CA10: variants seen among roughly 807,000 people sequenced by gnomAD.
CA10 encodes the protein carbonic anhydrase-related protein 10.
Under a neutral mutation model 44.2 loss-of-function variants are expected in CA10, and 14 were observed. The ratio of observed to expected loss-of-function variants is 0.32; its 90% CI spans 0.21 to 0.50. CA10 has a LOEUF of 0.50. Ranked by LOEUF, CA10 falls within the 20% of genes least tolerant of loss-of-function variation. The probability of loss-of-function intolerance (pLI) is 0.99; values close to 1 mark genes in which losing one functional copy is unlikely to be tolerated. For missense variants in CA10, 350 were observed against 409.7 expected, an observed-to-expected ratio of 0.85 and a Z score of 1.26; for synonymous variants, 159 against 141.6, an observed-to-expected ratio of 1.12 and a Z score of -0.87.
chr17:52,097,398 C>T (rs1988430510), intron 1 of CA10, among the ~76,000 whole-genome samples: 2 of 152,138 alleles, frequency 1.3e-5, no homozygotes, highest in South Asian at 4.1e-4. Context: ...ATATTTTGTA[C>T]ATCAAATGGT....
At chr17:51,836,776 C>A (rs746446806) in intron 3 of CA10, among the ~76,000 whole-genome samples, 1 of 151,954 alleles carries the variant, frequency 6.6e-6, no homozygotes, top group Non-Finnish European at 1.5e-5. Context: ...TGTGATGGCA[C>A]AAAGGAGGGA....
chr17:51,943,396 A>G (rs1005277137), intron 2 of CA10, among the ~76,000 whole-genome samples: 2 of 152,240 alleles, frequency 1.3e-5, no homozygotes, highest in Non-Finnish European at 2.9e-5. Flanking sequence ...GCCTGGGCCT[A>G]TAAAAGGTGA....
At chr17:51,896,565 T>C (rs924571590) in intron 3 of CA10, among the ~76,000 whole-genome samples, 12 of 152,168 alleles carry the variant, frequency 7.9e-5, no homozygotes, top group Admixed American at 7.2e-4. Context: ...AGTGTCTTTA[T>C]GGCAGCACAA....
chr17:51,755,604 T>C (rs1185327392), intron 3 of CA10, among the ~76,000 whole-genome samples: 1 of 152,178 alleles, frequency 6.6e-6, no homozygotes, highest in Non-Finnish European at 1.5e-5. Flanking sequence ...GGAAATAGAA[T>C]TTCAGTCATG....
chr17:52,054,518 C>G (rs766488252), intron 2 of CA10, among the ~76,000 whole-genome samples: 97 of 152,038 alleles, frequency 6.4e-4, no homozygotes, highest in Non-Finnish European at 1.2e-3. Context: ...ATTTTGTTAC[C>G]TTGTAAAACA....
rs537784476 is a variant in CA10, at chr17:51,796,600, T to A, written c.280-48782A>T. Among the ~76,000 whole-genome samples, 17 of 152,364 alleles carry A rather than the reference T, an allele frequency of 1.1e-4. 1 individual carries two copies. Among genetic ancestry groups the A allele is most frequent in the Admixed American group, 9.1e-4 (14 of 15,310 alleles). ...CATGAATCCTAGAGCACTTTAACTTTGGGTTAAATGTAAGTCCACAACAAT... is the reference window on the plus strand; with the variant it reads ...CATGAATCCTAGAGCACTTTAACTTAGGGTTAAATGTAAGTCCACAACAAT... On this transcript the variant is annotated intron_variant, in intron 3 of 8. Transcript: ENST00000451037.
At chr17:51,791,503 T>C (rs1906517583) in intron 3 of CA10, among the ~76,000 whole-genome samples, 1 of 152,216 alleles carries the variant, frequency 6.6e-6, no homozygotes, top group Non-Finnish European at 1.5e-5. Flanking sequence ...CTAGACTTGG[T>C]AACTGATTAT....
At chr17:51,860,652 A>G (rs1979261764) in intron 3 of CA10, among the ~76,000 whole-genome samples, 1 of 152,202 alleles carries the variant, frequency 6.6e-6, no homozygotes, top group African/African-American at 2.4e-5. Context: ...ACAGAAACAG[A>G]CTTCTAATGA....
chr17:51,998,759 T>A (rs1224734966), intron 2 of CA10, among the ~76,000 whole-genome samples: 1 of 152,076 alleles, frequency 6.6e-6, no homozygotes, highest in African/African-American at 2.4e-5. Flanking sequence ...GGACTCTGGT[T>A]TTAATCAACT....
intron 3 of CA10, among the ~76,000 whole-genome samples, chr17:51,882,899 G>T (rs1322658730): frequency 6.6e-6 from 1 of 152,150 alleles, no homozygotes; most frequent in Non-Finnish European, 1.5e-5. Context: ...GTAATAGTTT[G>T]GCACTTCTCT....
At chr17:51,828,526 TAAAA>T (rs530080524) in intron 3 of CA10, among the ~76,000 whole-genome samples, 1 of 150,416 alleles carries the variant, frequency 6.6e-6, no homozygotes, top group Non-Finnish European at 1.5e-5. Context: ...GGGTAGATAC[TAAAA>T]AAAAAATTTA....
intron 3 of CA10, among the ~76,000 whole-genome samples, chr17:51,866,090 G>T (rs1357793152): frequency 6.6e-6 from 1 of 152,130 alleles, no homozygotes; most frequent in Non-Finnish European, 1.5e-5. Flanking sequence ...ATAAACAAAG[G>T]CAATGTTTTA....
intron 2 of CA10, among the ~76,000 whole-genome samples, chr17:52,014,844 T>C (rs1039204990): frequency 1.3e-5 from 2 of 152,032 alleles, no homozygotes; most frequent in Non-Finnish European, 1.5e-5. Flanking sequence ...GAAATGCGTA[T>C]TTGAAAAACA....
chr17:51,637,060 G>A (rs911535202), intron 6 of CA10, among the ~76,000 whole-genome samples: 2 of 152,074 alleles, frequency 1.3e-5, no homozygotes, highest in Non-Finnish European at 2.9e-5. Flanking sequence ...ATAAAATTGT[G>A]TGTATTGGAG....
intron 1 of CA10, among the ~76,000 whole-genome samples, chr17:52,104,545 AAAC>A (rs1462879962): frequency 1.3e-5 from 2 of 152,280 alleles, no homozygotes; most frequent in South Asian, 2.1e-4. Flanking sequence ...ACGAGGGCAC[AAAC>A]AACAATAACT....
At chr17:51,723,828 C>T (rs1916432750) in intron 4 of CA10, among the ~76,000 whole-genome samples, 2 of 152,194 alleles carry the variant, frequency 1.3e-5, no homozygotes, top group African/African-American at 2.4e-5. Flanking sequence ...CATCTGTCCT[C>T]ACATTTCTGA....
chr17:51,860,202 C>G (rs1979240145), intron 3 of CA10, among the ~76,000 whole-genome samples: 3 of 152,170 alleles, frequency 2.0e-5, no homozygotes, highest in Admixed American at 6.6e-5. Flanking sequence ...ACTCATGAAG[C>G]ATTAATTTTT....
At chr17:51,663,773 T>C (rs1396374093) in intron 4 of CA10, among the ~76,000 whole-genome samples, 2 of 152,174 alleles carry the variant, frequency 1.3e-5, no homozygotes, top group Non-Finnish European at 2.9e-5. Flanking sequence ...CCTAGAATGA[T>C]GAAGTGACGT....
chr17:52,148,689 A>G (rs1989641101), intron 1 of CA10, among the ~76,000 whole-genome samples: 1 of 152,054 alleles, frequency 6.6e-6, no homozygotes, highest in Non-Finnish European at 1.5e-5. Context: ...CTTATTATTC[A>G]TTTATGTATT....
Sources: allele counts gnomAD v4.1 joint callset (sites outside exome capture counted in the v4.1 genomes callset), GRCh38; gene constraint gnomAD v4.1.1; transcripts MANE v1.5; gene names NCBI Gene and HGNC (gene_info 2026-07-23, HGNC 2026-07-21).